The following ANK3 variants were observed in gnomAD, a reference collection of about 807,000 sequenced individuals.
The protein encoded by ANK3 is ankyrin-3.
ANK3 carries 57 observed loss-of-function variants against 370.9 expected under a neutral mutation model. That is an observed-to-expected ratio of 0.15 (90% CI 0.12 to 0.19). The LOEUF is 0.19. Among genes scored for constraint, ANK3 ranks in the 10% least tolerant of loss-of-function variants. ANK3 has a pLI of 1.00. For missense variants in ANK3, 4,439 were observed against 5,302.1 expected (o/e 0.84, Z 5.06); for synonymous variants, 1,929 against 1,946.3 (o/e 0.99, Z 0.23).
chr10:60,674,732 A>T lies in ANK3; in HGVS notation c.57+58531T>A, dbSNP rs900120916. Among the ~76,000 whole-genome samples, 6 of 152,342 alleles carry T rather than the reference A, an allele frequency of 3.9e-5. No homozygotes were observed. In the East Asian group the frequency reaches 7.7e-4, roughly 20 times the overall value. On this transcript the variant is annotated intron_variant, in intron 1 of 43. Coordinates refer to the ANK3 transcript ENST00000373827. The stretch of plus-strand genomic sequence containing the variant: ...ATGTATCTTATGTCCCTTTGCAGTG[A>T]ATCTCCCCCATAGAGGTAACCACTG...
chr10:60,111,699 A>G (rs1366521514), intron 26 of ANK3: 3 of 451,014 alleles, frequency 6.7e-6, no homozygotes, highest in Non-Finnish European at 1.3e-5. Context: ...TAAAAATACA[A>G]AAAGGATGGT....
chr10:60,354,749 T>C (rs2132710951), intron 1 of ANK3, among the ~76,000 whole-genome samples: 1 of 152,350 alleles, frequency 6.6e-6, no homozygotes, highest in Middle Eastern at 3.4e-3. Context: ...TAATTCCTTG[T>C]TTTTATCCTA....
rs1480562803 is a variant in ANK3, at chr10:60,055,653, C to T, written c.13065+5G>A. 5 of 1,596,852 alleles carry T rather than the reference C, an allele frequency of 3.1e-6. No homozygotes were observed. Among genetic ancestry groups the T allele is most frequent in the East Asian group, 2.2e-5 (1 of 44,758 alleles). Reference sequence around the variant, plus strand: ...TGACTGCTACCGGATGACCAGATGACGTACCTTTTGCTCAGACCCACTGGA... The same window carrying T: ...TGACTGCTACCGGATGACCAGATGATGTACCTTTTGCTCAGACCCACTGGA... On this transcript the variant is annotated splice_donor_5th_base_variant and intron_variant, in intron 42 of 43. Coordinates refer to ENST00000280772, the MANE Select transcript of ANK3 (RefSeq NM_020987.5).
intron 32 of ANK3, 47 bp from the exon 33 acceptor site, chr10:60,083,664 A>C (rs749560274): frequency 6.7e-7 from 1 of 1,486,728 alleles, no homozygotes; most frequent in South Asian, 1.2e-5. Flanking sequence ...TCTGAGTTTA[A>C]AATATTTTGA....
intron 17 of ANK3, among the ~76,000 whole-genome samples, chr10:60,183,418 A>G (rs1339423042): frequency 1.3e-5 from 2 of 152,222 alleles, no homozygotes; most frequent in East Asian, 3.8e-4. Flanking sequence ...AGAACAGTAT[A>G]AATTATATAA....
chr10:60,161,268 C>CA (rs1161857477), intron 23 of ANK3, among the ~76,000 whole-genome samples: 1 of 152,004 alleles, frequency 6.6e-6, no homozygotes, highest in Admixed American at 6.6e-5. Context: ...GGAGAACCCT[C>CA]ATATGCTATG....
At chr10:60,308,985 T>TAGTTGAA (rs1394597338) in intron 1 of ANK3, among the ~76,000 whole-genome samples, 9 of 152,310 alleles carry the variant, frequency 5.9e-5, no homozygotes, top group African/African-American at 2.2e-4. Context: ...AGAATTCGAA[T>TAGTTGAA]AGTTGAATTC....
At chr10:60,495,655 T>C (rs1349921661) in intron 2 of ANK3, among the ~76,000 whole-genome samples, 3 of 152,130 alleles carry the variant, frequency 2.0e-5, no homozygotes, top group Non-Finnish European at 4.4e-5. Context: ...ATGAAAAATA[T>C]TGGATATAAC....
intron 1 of ANK3, among the ~76,000 whole-genome samples, chr10:60,318,657 AG>A (rs1358485458): frequency 1.3e-5 from 2 of 152,134 alleles, no homozygotes; most frequent in African/African-American, 2.4e-5. Flanking sequence ...TGGGGAGAGG[AG>A]GGGGGATCAT....
At chr10:60,077,058 T>C (rs1365604491) in intron 36 of ANK3, among the ~76,000 whole-genome samples, 1 of 152,190 alleles carries the variant, frequency 6.6e-6, no homozygotes, top group African/African-American at 2.4e-5. Context: ...CAAAATAACT[T>C]TTAAGTGACA....
chr10:60,135,832 C>T (rs1344323989), intron 24 of ANK3, among the ~76,000 whole-genome samples: 1 of 152,064 alleles, frequency 6.6e-6, no homozygotes, highest in Admixed American at 6.6e-5. Context: ...TTAGAGGCCT[C>T]ATTCTAAGTG....
Position 60,306,439 on chromosome 10 carries a change from A to ATATC in ANK3, c.115-26801_115-26800insGATA, listed in dbSNP as rs992760588. Among the ~76,000 whole-genome samples, 3 of 63,048 alleles carry ATATC rather than the reference A, an allele frequency of 4.8e-5. No homozygotes were observed. In the Admixed American group the frequency reaches 5.2e-4, roughly 11 times the overall value. 41.4% of individuals were successfully genotyped at this position (63,048 alleles called of 152,430 possible). A position where few individuals can be genotyped will look rare whatever the true frequency, so the allele number is the denominator to read the frequency against. ...CCACGGTGTATGTGCATATATATAT[A>ATATC]TATATATATATATATCTATCTTTAT... On this transcript the variant is annotated intron_variant, in intron 1 of 43. Coordinates refer to ENST00000280772, the MANE Select transcript of ANK3 (RefSeq NM_020987.5).
chr10:60,548,400 T>G (rs1466216163), intron 2 of ANK3, among the ~76,000 whole-genome samples: 1 of 151,572 alleles, frequency 6.6e-6, no homozygotes, highest in African/African-American at 2.4e-5. Flanking sequence ...GTGTTTTTTT[T>G]GTTGTTGTTT....
chr10:60,050,089 G>A (rs1304724841), intron 42 of ANK3, among the ~76,000 whole-genome samples: 1 of 152,148 alleles, frequency 6.6e-6, no homozygotes. Context: ...CACTGATTAT[G>A]AGAATAGCAA....
intron 18 of ANK3, among the ~76,000 whole-genome samples, chr10:60,180,330 G>A (rs148439266): frequency 0.011 from 1,670 of 152,104 alleles, 25 homozygotes; most frequent in African/African-American, 0.038. Context: ...GGGTGCGGGG[G>A]CTCACGCCTG....
chr10:60,275,850 A>G (rs894862254), intron 4 of ANK3, among the ~76,000 whole-genome samples: 3 of 152,220 alleles, frequency 2.0e-5, no homozygotes, highest in Admixed American at 1.3e-4. Context: ...TTATAAAGAC[A>G]GAGAAGGAGA....
intron 23 of ANK3, among the ~76,000 whole-genome samples, chr10:60,150,979 C>T (rs1009074934): frequency 6.6e-6 from 1 of 152,046 alleles, no homozygotes; most frequent in Admixed American, 6.6e-5. Context: ...ACTGTGTGAA[C>T]GTGAGCAAAT....
At chr10:60,554,185 C>T (rs947141258) in intron 2 of ANK3, among the ~76,000 whole-genome samples, 3 of 152,116 alleles carry the variant, frequency 2.0e-5, no homozygotes, top group South Asian at 2.1e-4. Context: ...CTGTGTTCTT[C>T]CTGGTCTTAA....
At chr10:60,315,395 T>G (rs1285036344) in intron 1 of ANK3, among the ~76,000 whole-genome samples, 3 of 152,138 alleles carry the variant, frequency 2.0e-5, no homozygotes, top group Non-Finnish European at 4.4e-5. Flanking sequence ...GATCACTGGT[T>G]AAATCCAGTA....
Sources: gnomAD v4.1 joint callset for allele counts (sites outside exome capture counted in the v4.1 genomes callset) on GRCh38, gnomAD v4.1.1 for gene constraint, MANE v1.5 for transcripts, NCBI Gene and HGNC (gene_info 2026-07-23, HGNC 2026-07-21) for gene names.